The following PIK3CB variants were observed in gnomAD, a reference collection of about 807,000 sequenced individuals.
PIK3CB encodes phosphatidylinositol 4,5-bisphosphate 3-kinase catalytic subunit beta isoform.
Under a neutral mutation model 136.8 loss-of-function variants are expected in PIK3CB, and 39 were observed. The observed-to-expected ratio is 0.29, with a 90% CI of 0.22 to 0.37. The LOEUF is 0.37. Ranked by LOEUF, PIK3CB falls within the 10% of genes least tolerant of loss-of-function variation. The pLI is 1.00. For missense variants in PIK3CB, 868 were observed against 1,275.4 expected (o/e 0.68, Z 4.87); for synonymous variants, 428 against 436.6 (o/e 0.98, Z 0.25).
chr3:138,701,679 G>T (rs1369469596), intron 12 of PIK3CB, among the ~76,000 whole-genome samples: 2 of 151,576 alleles, frequency 1.3e-5, no homozygotes, highest in Non-Finnish European at 2.9e-5. Context: ...CAGCTACTTG[G>T]GAGGCTGAGG....
chr3:138,752,863 C>T (rs2045498848), intron 4 of PIK3CB, among the ~76,000 whole-genome samples: 2 of 152,076 alleles, frequency 1.3e-5, no homozygotes, highest in African/African-American at 4.8e-5. Flanking sequence ...ATGTTTTTAG[C>T]ATAAGCACAG....
rs1337203057 is a variant in PIK3CB at position 138,764,287 on chromosome 3, GA to G, written c.-16-4929del. ...TACATAGTGAGACCTCATCTATCAA[GA>G]AAAAAAAAAAAAATTAGCCAAGAGT... On this transcript the variant is annotated intron_variant, in intron 2 of 23. Transcript: ENST00000674063. Among the ~76,000 whole-genome samples, 335 of 133,056 alleles carry G rather than the reference GA, an allele frequency of 2.5e-3. 2 individuals are homozygous for G. The highest frequency in any genetic ancestry group is 9.8e-3 in the East Asian group (45 of 4,590). The allele number at this position is 133,056 out of a possible 152,430, so 87.3% of individuals were successfully genotyped here.
intron 1 of PIK3CB, among the ~76,000 whole-genome samples, chr3:138,811,400 G>A (rs1389362636): frequency 6.6e-6 from 1 of 151,528 alleles, no homozygotes; most frequent in African/African-American, 2.4e-5. Flanking sequence ...TCTAAATGTG[G>A]TAACTATACT....
intron 18 of PIK3CB, among the ~76,000 whole-genome samples, chr3:138,682,986 T>C (rs1001264633): frequency 7.2e-5 from 11 of 152,170 alleles, no homozygotes; most frequent in African/African-American, 2.7e-4. Flanking sequence ...TTAGGTACTT[T>C]CATCAAAATA....
intron 14 of PIK3CB, among the ~76,000 whole-genome samples, chr3:138,692,061 T>C (rs2044021497): frequency 6.6e-6 from 1 of 152,228 alleles, no homozygotes; most frequent in Non-Finnish European, 1.5e-5. Flanking sequence ...GATAACATTG[T>C]AATTAACTGA....
intron 10 of PIK3CB, among the ~76,000 whole-genome samples, chr3:138,709,034 C>T (rs1391987744): frequency 1.3e-5 from 2 of 151,760 alleles, no homozygotes; most frequent in Non-Finnish European, 2.9e-5. Flanking sequence ...CCTCCTGCCT[C>T]AGTCTCCCAA....
At chr3:138,669,142 T>TG (rs1181005958) in intron 19 of PIK3CB, among the ~76,000 whole-genome samples, 1 of 152,162 alleles carries the variant, frequency 6.6e-6, no homozygotes, top group Non-Finnish European at 1.5e-5. Flanking sequence ...CCAGGTGCGG[T>TG]GGCTCACGCC....
chr3:138,705,174 CAAAAAACAAAACAAACA>C lies in PIK3CB; in HGVS notation c.1531-698_1531-682del, dbSNP rs2044344499. Among the ~76,000 whole-genome samples the C allele has an allele frequency of 6.5e-4, 37 of 57,034 alleles. 1 individual carries two copies. The highest frequency in any genetic ancestry group is 2.4e-3 in the African/African-American group (28 of 11,720). 37.4% of individuals were successfully genotyped at this position (57,034 alleles called of 152,430 possible). The stretch of plus-strand genomic sequence containing the variant: ...GAAAGGCAAAAAAAAAAAAAAAAAA[CAAAAAACAAAACAAACA>C]AAAAAAAAAACTTATATTTGCAAAT... On this transcript the variant is annotated intron_variant, in intron 11 of 23. Transcript: ENST00000674063.
At chr3:138,691,628 C>T (rs1029023808) in intron 14 of PIK3CB, among the ~76,000 whole-genome samples, 2 of 152,164 alleles carry the variant, frequency 1.3e-5, no homozygotes, top group African/African-American at 2.4e-5. Context: ...GCTTCTCCTT[C>T]GCCTTCTACC....
intron 8 of PIK3CB, among the ~76,000 whole-genome samples, chr3:138,728,814 A>G (rs982382163): frequency 2.0e-5 from 3 of 151,926 alleles, no homozygotes; most frequent in Non-Finnish European, 4.4e-5. Flanking sequence ...GAATTAAAAT[A>G]TACAAATCAT....
At chr3:138,815,134 C>CT (rs1416245675) in intron 1 of PIK3CB, among the ~76,000 whole-genome samples, 3 of 77,414 alleles carry the variant, frequency 3.9e-5, no homozygotes, top group African/African-American at 1.3e-4. Context: ...AGCGAGACTC[C>CT]GTCTCAAAAA....
intron 4 of PIK3CB, among the ~76,000 whole-genome samples, chr3:138,744,740 A>C (rs527852578): frequency 6.6e-6 from 1 of 152,246 alleles, no homozygotes; most frequent in Non-Finnish European, 1.5e-5. Context: ...GCATTCTTGA[A>C]TAATCAGAAG....
At position 138,792,459 on chromosome 3, in the gene PIK3CB, G is replaced by A. The variant is rs571090458; in HGVS notation, c.-17+4004C>T. On this transcript the variant is annotated intron_variant, in intron 2 of 23. Coordinates refer to ENST00000674063, the MANE Select transcript of PIK3CB (RefSeq NM_006219.3). ...TAGGATCTGGGCTCACTGCAGCCTC[G>A]ACCTCCTGGGCTCAAGCAATCCTTC... 4.6e-5 allele frequency among the ~76,000 whole-genome samples: 7 copies of A among 152,070 alleles called. No individual in the cohort carries two copies. In the South Asian group the frequency reaches 1.0e-3, roughly 23 times the overall value.
intron 2 of PIK3CB, among the ~76,000 whole-genome samples, chr3:138,765,944 A>G (rs950822563): frequency 2.6e-5 from 4 of 152,152 alleles, no homozygotes; most frequent in Admixed American, 6.5e-5. Context: ...CAAAATCTCA[A>G]CCTACATTTC....
At position 138,834,853 on chromosome 3, in the gene PIK3CB, C is replaced by A. The variant is rs1934200548; in HGVS notation, c.-280G>T. 1 of 152,212 alleles carries A rather than the reference C, an allele frequency of 6.6e-6. No homozygotes were observed. The highest frequency in any genetic ancestry group is 2.0e-4 in the South Asian group (1 of 4,884). The allele number at this position is 152,212 out of a possible 1,614,324, so 9.4% of individuals were successfully genotyped here. On this transcript the variant is annotated 5_prime_UTR_variant, in exon 1 of 24. The change abolishes an upstream ATG in the 5' untranslated region. Transcript: ENST00000674063. ...ACTACACTCGCCCCCTCCCCACTGC[C>A]ATGGCCCGCTCCGCCGCAGCGCCGC... is the stretch of plus-strand genomic sequence containing the variant.
intron 13 of PIK3CB, among the ~76,000 whole-genome samples, chr3:138,698,338 T>C (rs2044180097): frequency 6.6e-6 from 1 of 152,188 alleles, no homozygotes; most frequent in Non-Finnish European, 1.5e-5. Flanking sequence ...ATTGAATAAA[T>C]GCCAGTGCTT....
chr3:138,789,244 A>G (rs1165553038), intron 2 of PIK3CB, among the ~76,000 whole-genome samples: 16 of 152,178 alleles, frequency 1.1e-4, no homozygotes, highest in Non-Finnish European at 1.8e-4. Flanking sequence ...AGACAGCTTG[A>G]GCCAGGTGTT....
At chr3:138,731,625 G>T (rs1427882121) in intron 8 of PIK3CB, among the ~76,000 whole-genome samples, 1 of 151,886 alleles carries the variant, frequency 6.6e-6, no homozygotes, top group Non-Finnish European at 1.5e-5. Flanking sequence ...TAAATTAAAA[G>T]ATAAAAACAG....
At chr3:138,772,601 G>A (rs2045812380) in intron 2 of PIK3CB, among the ~76,000 whole-genome samples, 1 of 149,300 alleles carries the variant, frequency 6.7e-6, no homozygotes, top group Non-Finnish European at 1.5e-5. Flanking sequence ...AGGACTGTAA[G>A]CACACACCAC....
Sources: gnomAD v4.1 joint callset for allele counts (sites outside exome capture counted in the v4.1 genomes callset) on GRCh38, gnomAD v4.1.1 for gene constraint, MANE v1.5 for transcripts, NCBI Gene and HGNC (gene_info 2026-07-23, HGNC 2026-07-21) for gene names.